Variants in TMBIM6 observed in about 807,000 individuals in gnomAD.
The protein encoded by TMBIM6 is transmembrane BAX inhibitor motif containing 6.
TMBIM6 carries 13 observed loss-of-function variants against 31.4 expected under a neutral mutation model. That is an observed-to-expected ratio of 0.41 (90% CI 0.27 to 0.66). TMBIM6 has a LOEUF of 0.66. TMBIM6 is among the 30% of genes least tolerant of loss of function. The pLI is 0.28. For missense variants in TMBIM6, 275 were observed against 289.5 expected (o/e 0.95, Z 0.36); for synonymous variants, 85 against 101.7 (o/e 0.84, Z 0.99).
chr12:49,757,156 T>C (rs7962645), intron 4 of TMBIM6, among the ~76,000 whole-genome samples: 31,921 of 152,190 alleles, frequency 0.21, 5,527 homozygotes, highest in African/African-American at 0.48. Flanking sequence ...CGTGAGCCAC[T>C]GTGCCTGGCC....
intron 7 of TMBIM6, 115 bp downstream of exon 7, chr12:49,758,877 T>A: frequency 1.1e-6 from 1 of 888,260 alleles, no homozygotes; most frequent in Non-Finnish European, 1.7e-6. Context: ...CTCTAAGCCT[T>A]CCCATTATCC....
rs769233005 is a variant in TMBIM6 at position 49,755,646 on chromosome 12, G to A, written c.177G>A (p.Leu59=). Residue 59 remains leucine (L), a synonymous_variant, in exon 4 of 10, where the codon CTG becomes CTA. Transcript: ENST00000267115. ...TCTGACTCTAACAGGCTGGCCTGCT[G>A]TCTGCCTTGGGCTCCCTGATATTGA... ...MVTHFIQAGL[L]SALGSLILMI... 35 of 1,613,890 alleles carry A rather than the reference G, an allele frequency of 2.2e-5. No homozygotes were observed. Among genetic ancestry groups the A allele is most frequent in the Non-Finnish European group, 2.9e-5 (34 of 1,179,922 alleles).
At chr12:49,755,876 C>T in intron 4 of TMBIM6, 121 bp downstream of exon 4, 2 of 1,187,612 alleles carry the variant, frequency 1.7e-6, no homozygotes, top group Middle Eastern at 3.0e-4. Flanking sequence ...CTCTGTTGCC[C>T]AGGCCAGAGT....
chr12:49,759,405 C>T (rs774177495), intron 8 of TMBIM6, 84 bp downstream of exon 8: 19 of 1,156,234 alleles, frequency 1.6e-5, no homozygotes, highest in Non-Finnish European at 2.5e-5. Context: ...ATTGGCTGAA[C>T]ATAGGTGGCC....
chr12:49,746,258 A>G (rs1264453545), intron 1 of TMBIM6, among the ~76,000 whole-genome samples: 2 of 151,528 alleles, frequency 1.3e-5, no homozygotes, highest in Non-Finnish European at 2.9e-5. Context: ...AATTTTTTGT[A>G]TTTTTAGTAG....
rs575016905 is a variant in TMBIM6, at chr12:49,742,105, C to G, written c.-31+494C>G. ...TGACCCTGGGTGAGCGGCCCGGAGC[C>G]AAGACTCGAGGTAGGGCCTGGCGGG... On this transcript the variant is annotated intron_variant, in intron 1 of 9. Transcript: ENST00000267115. 3.4e-5 allele frequency: 55 copies of G among 1,602,324 alleles called. No homozygotes were observed. The South Asian group carries it at 5.7e-4, about 17-fold the overall frequency.
At chr12:49,750,051 G>A (rs1945467424) in intron 1 of TMBIM6, among the ~76,000 whole-genome samples, 1 of 152,180 alleles carries the variant, frequency 6.6e-6, no homozygotes, top group Non-Finnish European at 1.5e-5. Flanking sequence ...TTAAATCAAA[G>A]TGAAATTGCC....
At chr12:49,750,652 C>G (rs980799435) in intron 1 of TMBIM6, 1 of 152,194 alleles carries the variant, frequency 6.6e-6, no homozygotes, top group Non-Finnish European at 1.5e-5. Flanking sequence ...TTAGTAGGTT[C>G]TGCAGCTTCT....
intron 8 of TMBIM6, 119 bp from the exon 9 acceptor site, chr12:49,761,585 G>A (rs1945720012): frequency 1.2e-6 from 1 of 806,852 alleles, no homozygotes; most frequent in Non-Finnish European, 2.0e-6. Context: ...TTAGTTGGGG[G>A]TAAAGTGTGG....
rs571051870 is a variant in TMBIM6, at chr12:49,743,865, G to A, written c.-31+2254G>A. On this transcript the variant is annotated intron_variant, in intron 1 of 9. Coordinates refer to ENST00000267115, the MANE Select transcript of TMBIM6 (RefSeq NM_003217.3). The stretch of plus-strand genomic sequence containing the variant: ...TCTGCTATTTAACTTTCTAATGTTG[G>A]TCAAATCAATACTAATGTTTGTTTT... 1.7e-4 allele frequency among the ~76,000 whole-genome samples: 25 copies of A among 150,820 alleles called. No individual in the cohort carries two copies. In the Middle Eastern group the frequency reaches 0.01, roughly 62 times the overall value.
At chr12:49,748,336 T>G (rs1565917566) in intron 1 of TMBIM6, among the ~76,000 whole-genome samples, 1 of 152,204 alleles carries the variant, frequency 6.6e-6, no homozygotes, top group Non-Finnish European at 1.5e-5. Context: ...AGATGTCCAC[T>G]GCTAAGAATG....
intron 1 of TMBIM6, among the ~76,000 whole-genome samples, chr12:49,746,478 A>C: frequency 6.6e-6 from 1 of 152,228 alleles, no homozygotes; most frequent in African/African-American, 2.4e-5. Context: ...TATTGAACTC[A>C]TTCTATGTAC....
At chr12:49,746,105 CAG>C (rs1945388223) in intron 1 of TMBIM6, among the ~76,000 whole-genome samples, 1 of 148,098 alleles carries the variant, frequency 6.8e-6, no homozygotes, top group Admixed American at 6.8e-5. Flanking sequence ...TTTTTTGAGA[CAG>C]AGTCTCACTC....
intron 3 of TMBIM6, among the ~76,000 whole-genome samples, chr12:49,754,426 T>C (rs1469972022): frequency 3.9e-5 from 6 of 152,210 alleles, no homozygotes; most frequent in African/African-American, 1.4e-4. Flanking sequence ...TGTACTGCTG[T>C]TGTAACTGTG....
chr12:49,755,822 C>A, intron 4 of TMBIM6, 67 bp downstream of exon 4: 4 of 1,531,892 alleles, frequency 2.6e-6, no homozygotes, highest in Non-Finnish European at 3.5e-6. Flanking sequence ...AATTAGTTCC[C>A]CCCCCTTTTT....
rs61667487 is a variant in TMBIM6 at position 49,749,441 on chromosome 12, G to GTTTTTTTTTT, written c.-30-3014_-30-3013insTTTTTTTTTT. Among the ~76,000 whole-genome samples the GTTTTTTTTTT allele has an allele frequency of 1.4e-3, 211 of 146,106 alleles. 10 individuals carry two copies. Among genetic ancestry groups the GTTTTTTTTTT allele is most frequent in the African/African-American group, 4.9e-3 (186 of 37,786 alleles). On this transcript the variant is annotated intron_variant, in intron 1 of 9. Transcript: ENST00000267115. ...CCTTTTCTTTTTGTAAGTCATTTTTGTTTTTTTTTGAAACGGAGTCTCGCT... is the reference window on the plus strand; with the variant it reads ...CCTTTTCTTTTTGTAAGTCATTTTTGTTTTTTTTTTTTTTTTTTTGAAACGGAGTCTCGCT...
At chr12:49,754,118 G>A (rs1469274595) in intron 3 of TMBIM6, among the ~76,000 whole-genome samples, 1 of 152,086 alleles carries the variant, frequency 6.6e-6, no homozygotes, top group Non-Finnish European at 1.5e-5. Flanking sequence ...GTCATTTAGT[G>A]CCACTTCCTT....
At chr12:49,756,553 C>G (rs920001371) in intron 4 of TMBIM6, among the ~76,000 whole-genome samples, 14 of 150,430 alleles carry the variant, frequency 9.3e-5, no homozygotes, top group Non-Finnish European at 1.9e-4. Context: ...AAGCGATTCC[C>G]CTTCCTCAGC....
chr12:49,756,642 G>T (rs1367097446), intron 4 of TMBIM6, among the ~76,000 whole-genome samples: 1 of 151,208 alleles, frequency 6.6e-6, no homozygotes, highest in Non-Finnish European at 1.5e-5. Flanking sequence ...GGCCAGGATG[G>T]TCTTGATCTC....
Sources: allele counts gnomAD v4.1 joint callset (sites outside exome capture counted in the v4.1 genomes callset), GRCh38; gene constraint gnomAD v4.1.1; transcripts MANE v1.5; gene names NCBI Gene and HGNC (gene_info 2026-07-23, HGNC 2026-07-21).